IDE: variants seen among roughly 807,000 people sequenced by gnomAD.
IDE encodes the protein insulin-degrading enzyme.
IDE carries 58 observed loss-of-function variants against 133.2 expected under a neutral mutation model. That is an observed-to-expected ratio of 0.44 (90% confidence interval 0.35 to 0.54). IDE has a LOEUF of 0.54. Ranked by LOEUF, IDE falls within the 20% of genes least tolerant of loss-of-function variation. IDE has a pLI of 0.00. For missense variants in IDE, 981 were observed against 1,234.0 expected (o/e 0.79, Z 3.07); for synonymous variants, 396 against 421.3 (o/e 0.94, Z 0.73).
intron 17 of IDE, 40 bp from the exon 18 acceptor site, chr10:92,470,385 A>T: frequency 7.4e-7 from 1 of 1,350,798 alleles, no homozygotes. Context: ...GCTACCTATG[A>T]GGGATTTTTT....
intron 22 of IDE, among the ~76,000 whole-genome samples, chr10:92,460,655 C>T (rs1332554612): frequency 3.3e-5 from 5 of 152,132 alleles, no homozygotes; most frequent in Non-Finnish European, 5.9e-5. Context: ...GTACATGGCC[C>T]GCAGGCTGCA....
rs534216788 is a variant in IDE, at chr10:92,522,580, T to C, written c.662-7538A>G. ...TCCTTCTGCTTAAGGAAATCTTATC[T>C]ATACTTCAGGAGAAGTGAAACTGCA... On this transcript the variant is annotated intron_variant, in intron 4 of 24. Coordinates refer to ENST00000265986, the MANE Select transcript of IDE (RefSeq NM_004969.4). Among the ~76,000 whole-genome samples, 13 of 152,300 alleles carry C rather than the reference T, an allele frequency of 8.5e-5. No homozygotes were observed. The East Asian group carries it at 2.5e-3, about 29-fold the overall frequency.
At chr10:92,565,948 C>T (rs1436895230) in intron 1 of IDE, among the ~76,000 whole-genome samples, 2 of 151,828 alleles carry the variant, frequency 1.3e-5, no homozygotes, top group Non-Finnish European at 2.9e-5. Context: ...CACTTACTAG[C>T]TGTGTATCCT....
chr10:92,559,446 G>C (rs1240733975), intron 1 of IDE, among the ~76,000 whole-genome samples: 59 of 152,248 alleles, frequency 3.9e-4, no homozygotes, highest in African/African-American at 1.4e-3. Context: ...TACTAAAAAG[G>C]AATGAAGTAC....
chr10:92,487,059 C>T, intron 13 of IDE, 137 bp downstream of exon 13: 1 of 725,270 alleles, frequency 1.4e-6, no homozygotes, highest in Non-Finnish European at 2.2e-6. Context: ...GTTATTCTTT[C>T]TGCAGCTTTT....
rs1335403642 is a variant in IDE at position 92,468,950 on chromosome 10, A to G, written c.2249T>C (p.Ile750Thr). The G allele has an allele frequency of 3.7e-5, 59 of 1,612,986 alleles. No homozygotes were observed. The highest frequency in any genetic ancestry group is 4.7e-5 in the Non-Finnish European group (55 of 1,179,042). The change falls in exon 19 of 25, where the codon ATT becomes ACT. Residue 750 changes from isoleucine to threonine, a missense_variant. By Grantham distance (89) the Ile-to-Thr change is moderately conservative (BLOSUM62 -1). Around this residue, in one of 2 missense-constraint regions of IDE, gnomAD observed 660 missense variants for 894.7 expected, o/e 0.74. Coordinates refer to ENST00000265986, the MANE Select transcript of IDE (RefSeq NM_004969.4). ...GIMQMVEDTL[I>T]EHAHTKPLLP... ...GAGAGGTTTGGTATGAGCATGTTCAATGAGGGTGTCTTCAACCATCTGCAT... is the reference window on the plus strand; with the variant it reads ...GAGAGGTTTGGTATGAGCATGTTCAGTGAGGGTGTCTTCAACCATCTGCAT...
At position 92,474,980 on chromosome 10, in the gene IDE, GTTCA is replaced by G. The variant is rs780048896; in HGVS notation, c.1996-23_1996-20del. 29 of 1,574,004 alleles carry G rather than the reference GTTCA, an allele frequency of 1.8e-5. No homozygotes were observed. Among genetic ancestry groups the G allele is most frequent in the Non-Finnish European group, 2.4e-5 (28 of 1,162,158 alleles). On this transcript the variant is annotated intron_variant, in intron 16 of 24. Transcript: ENST00000265986. The stretch of plus-strand genomic sequence containing the variant: ...GCATATACTAGTGAAAGAGACATGC[GTTCA>G]TTAATTTTATAAATCTTTTAAAAAT...
At chr10:92,569,356 A>G (rs10882084) in intron 1 of IDE, among the ~76,000 whole-genome samples, 2,454 of 152,354 alleles carry the variant, frequency 0.016, 161 homozygotes, top group Admixed American at 0.11. Flanking sequence ...ACAGCTTGGG[A>G]AAAGTGGTTT....
At chr10:92,513,853 T>C (rs935905896) in intron 5 of IDE, among the ~76,000 whole-genome samples, 1 of 152,180 alleles carries the variant, frequency 6.6e-6, no homozygotes, top group African/African-American at 2.4e-5. Context: ...ACAAAGTTTC[T>C]ATTCTCAAGT....
intron 18 of IDE, 110 bp downstream of exon 18, chr10:92,470,144 T>C: frequency 1.5e-6 from 1 of 666,684 alleles, no homozygotes. Context: ...TTGAGTAAAC[T>C]CTAATGTGTT....
At chr10:92,517,292 T>C in intron 4 of IDE, among the ~76,000 whole-genome samples, 1 of 152,228 alleles carries the variant, frequency 6.6e-6, no homozygotes, top group Non-Finnish European at 1.5e-5. Flanking sequence ...AGACAGAATG[T>C]GCAAGAAACA....
chr10:92,454,200 T>C lies in IDE; in HGVS notation c.*244A>G, dbSNP rs1320726298. ...AGCATTGTTATATTGGGGAAATTTCTCTCAGTAATCAAAAGAAAAATTTTA... is the reference window on the plus strand; with the variant it reads ...AGCATTGTTATATTGGGGAAATTTCCCTCAGTAATCAAAAGAAAAATTTTA... On this transcript the variant is annotated 3_prime_UTR_variant, in exon 25 of 25. Transcript: ENST00000265986. The C allele has an allele frequency of 1.6e-5, 5 of 318,534 alleles. No individual in the cohort carries two copies. Among genetic ancestry groups the C allele is most frequent in the African/African-American group, 2.1e-5 (1 of 47,282 alleles). The allele number at this position is 318,534 out of a possible 1,614,324, so 19.7% of individuals were successfully genotyped here.
At chr10:92,531,448 G>A (rs914602478) in intron 4 of IDE, among the ~76,000 whole-genome samples, 1 of 152,280 alleles carries the variant, frequency 6.6e-6, no homozygotes, top group East Asian at 1.9e-4. Context: ...AAGTACTTTG[G>A]AAGGTAGGCT....
chr10:92,572,557 C>T (rs1185853099), intron 1 of IDE, among the ~76,000 whole-genome samples: 1 of 152,180 alleles, frequency 6.6e-6, no homozygotes, highest in East Asian at 1.9e-4. Flanking sequence ...AAACTACTTT[C>T]CTAAACCCCC....
intron 12 of IDE, 70 bp downstream of exon 12, chr10:92,490,423 G>A (rs1033537226): frequency 4.2e-6 from 4 of 942,410 alleles, no homozygotes; most frequent in Non-Finnish European, 6.9e-6. Flanking sequence ...GCCTTAGTTG[G>A]TGGATCTAGG....
chr10:92,558,437 A>C (rs1290024875), intron 1 of IDE, among the ~76,000 whole-genome samples: 1 of 152,252 alleles, frequency 6.6e-6, no homozygotes, highest in Non-Finnish European at 1.5e-5. Context: ...TCAAAAGCAC[A>C]ACCAGTTTTT....
intron 1 of IDE, among the ~76,000 whole-genome samples, 181 bp from the exon 2 acceptor site, chr10:92,537,731 A>C (rs1410927815): frequency 6.6e-6 from 1 of 152,182 alleles, no homozygotes; most frequent in Admixed American, 6.5e-5. Context: ...ATTCTTTCTG[A>C]GAAATGCTAA....
At chr10:92,551,141 G>A (rs759689209) in intron 1 of IDE, among the ~76,000 whole-genome samples, 5 of 152,234 alleles carry the variant, frequency 3.3e-5, no homozygotes, top group Non-Finnish European at 1.5e-5. Context: ...ACAGCCAAAA[G>A]GTGGAAGTCA....
At chr10:92,524,411 AT>A (rs1564647764) in intron 4 of IDE, among the ~76,000 whole-genome samples, 1 of 9,610 alleles carries the variant, frequency 1.0e-4, no homozygotes, top group East Asian at 8.7e-4. Flanking sequence ...TATAATATAT[AT>A]TATATTATAT....
Sources: gnomAD v4.1 joint callset for allele counts (sites outside exome capture counted in the v4.1 genomes callset) on GRCh38, gnomAD v4.1.1 for gene constraint, gnomAD v4.1.1 regional missense constraint, MANE v1.5 for transcripts, NCBI Gene and HGNC (gene_info 2026-07-23, HGNC 2026-07-21) for gene names.